FICD: variants seen among roughly 807,000 people sequenced by gnomAD.
The protein encoded by FICD is FIC domain protein adenylyltransferase.
FICD carries 13 observed loss-of-function variants against 28.0 expected under a neutral mutation model. That is an observed-to-expected ratio of 0.46 (90% confidence interval 0.30 to 0.74). FICD has a LOEUF of 0.74. FICD is among the 30% of genes least tolerant of loss of function. The pLI is 0.07. For synonymous variants in FICD, 268 were observed against 266.4 expected (o/e 1.01, Z -0.06); for missense variants, 576 against 624.5 (o/e 0.92, Z 0.83).
rs180719836 is a variant in FICD at position 108,516,509 on chromosome 12, G to A, written c.-58-406G>A. On this transcript the variant is annotated intron_variant, in intron 1 of 2. Transcript: ENST00000552695. The stretch of plus-strand genomic sequence containing the variant: ...AGAGCCGTGGGGTTCCTGAGTTCAA[G>A]TCCTAAGGCTGTCACTTGCTCCCGG... Among the ~76,000 whole-genome samples the A allele has an allele frequency of 2.8e-3, 421 of 152,338 alleles. 3 individuals carry two copies. The highest frequency in any genetic ancestry group is 4.3e-3 in the Non-Finnish European group (290 of 68,042).
chr12:108,518,326 C>T lies in FICD; in HGVS notation c.302-74C>T, dbSNP rs1321116382. On this transcript the variant is annotated intron_variant, in intron 2 of 2. Transcript: ENST00000552695. The surrounding 1 kb of genome is among the most constrained non-coding windows in gnomAD (Gnocchi z 4.4). ...TCATGGTTTCCTGCGGAGACCAGCA[C>T]AGGGGACAGCCCCCCGAATGTCCTC... The T allele has an allele frequency of 7.8e-7, 1 of 1,283,614 alleles. No individual in the cohort carries two copies. Among genetic ancestry groups the T allele is most frequent in the East Asian group, 2.4e-5 (1 of 41,988 alleles). The allele number at this position is 1,283,614 out of a possible 1,614,324, so 79.5% of individuals were successfully genotyped here.
In FICD at chr12:108,519,280, G is replaced by A. The variant is rs1369684958; in HGVS notation, c.1182G>A (p.Glu394=). ...AGYPPITIRK[E]QRSDYYHVLE... ...ACCCGCCCATCACCATCCGCAAGGA[G>A]CAGCGGTCCGACTACTACCACGTGT... Residue 394 remains glutamate (E), a synonymous_variant, in exon 3 of 3, where the codon GAG becomes GAA. Coordinates refer to ENST00000552695, the MANE Select transcript of FICD (RefSeq NM_007076.3). The surrounding 1 kb of genome is among the most constrained non-coding windows in gnomAD (Gnocchi z 4.5). The A allele has an allele frequency of 5.0e-6, 8 of 1,614,146 alleles. No homozygotes were observed. Among genetic ancestry groups the A allele is most frequent in the Non-Finnish European group, 6.8e-6 (8 of 1,180,054 alleles).
Position 108,516,881 on chromosome 12 carries a change from G to A in FICD, c.-58-34G>A, listed in dbSNP as rs1256501867. ...TGAAGTCACACTATGTCCTGAACGT[G>A]TCTGTTTCTCCTGCGACTCTTGGCT... On this transcript the variant is annotated intron_variant, in intron 1 of 2. Transcript: ENST00000552695. The A allele has an allele frequency of 5.4e-6, 6 of 1,105,098 alleles. No homozygotes were observed. In the African/African-American group the frequency reaches 6.3e-5, roughly 12 times the overall value. The allele number at this position is 1,105,098 out of a possible 1,614,324, so 68.5% of individuals were successfully genotyped here. A position where few individuals can be genotyped will look rare whatever the true frequency, so the allele number is the denominator to read the frequency against.
rs1872037040 is a variant in FICD at position 108,519,523 on chromosome 12, A to G, written c.*48A>G. ...AGGCTGTCCTGAGGTAGGAAAAAAA[A>G]AAAGAAACAGCATTTCTAGAAACCT... On this transcript the variant is annotated 3_prime_UTR_variant, in exon 3 of 3. Transcript: ENST00000552695. This position sits in a 1 kb window ranked among gnomAD's most constrained non-coding sequence, Gnocchi z 4.5. 1.6e-6 allele frequency: 2 copies of G among 1,235,464 alleles called. No homozygotes were observed. The highest frequency in any genetic ancestry group is 2.2e-6 in the Non-Finnish European group (2 of 894,262). 76.5% of individuals were successfully genotyped at this position (1,235,464 alleles called of 1,614,324 possible).
At position 108,517,143 on chromosome 12, in the gene FICD, C is replaced by T; in HGVS notation, c.171C>T (p.Gly57=). ...AGCAGTGCTTGGCTGTGCTCAAAGGCCTCTACCTGCTCAGGAGCAAACCGG... is the reference window on the plus strand; with the variant it reads ...AGCAGTGCTTGGCTGTGCTCAAAGGTCTCTACCTGCTCAGGAGCAAACCGG... ...VEEQCLAVLK[G]LYLLRSKPDR... The change falls in exon 2 of 3, where the codon GGC becomes GGT. Residue 57 remains glycine, a synonymous_variant. Coordinates refer to ENST00000552695, the MANE Select transcript of FICD (RefSeq NM_007076.3). 2.5e-6 allele frequency: 4 copies of T among 1,608,308 alleles called. No homozygotes were observed. The highest frequency in any genetic ancestry group is 3.4e-6 in the Non-Finnish European group (4 of 1,177,392).
In FICD at chr12:108,520,820, A is replaced by G. The variant is rs182454388; in HGVS notation, c.*1345A>G. The G allele has an allele frequency of 5.6e-4, 86 of 152,378 alleles. 2 individuals are homozygous for G. In the East Asian group the frequency reaches 0.016, roughly 28 times the overall value. The allele number at this position is 152,378 out of a possible 1,614,324, so 9.4% of individuals were successfully genotyped here. On this transcript the variant is annotated 3_prime_UTR_variant, in exon 3 of 3. Transcript: ENST00000552695. ...CTTTGTCAGTGTGTGAGTGATGGCG[A>G]ATACGCAGTGTTGTCTCTTTGATTT...
At position 108,518,573 on chromosome 12, in the gene FICD, G is replaced by C. The variant is rs369952135; in HGVS notation, c.475G>C (p.Ala159Pro). ...GGAAGAAGACAAGGACATCATCCAG[G>C]CGGACTACTTGTACACCAGAGCATT... ...FSEEDKDIIQ[A>P]DYLYTRALTI... The change falls in exon 3 of 3, where the codon GCG (alanine) becomes CCG (proline). Residue 159 changes from alanine (A) to proline (P), a missense_variant. Ala to Pro is a conservative substitution (Grantham distance 27). Coordinates refer to ENST00000552695, the MANE Select transcript of FICD (RefSeq NM_007076.3). This position sits in a 1 kb window ranked among gnomAD's most constrained non-coding sequence, Gnocchi z 4.4. 1 of 1,614,094 alleles carries C rather than the reference G, an allele frequency of 6.2e-7. No individual in the cohort carries two copies. The highest frequency in any genetic ancestry group is 1.3e-5 in the African/African-American group (1 of 74,934).
rs926984352 is a variant in FICD, at chr12:108,518,215, T to A, written c.302-185T>A. 1.4e-6 allele frequency: 1 copy of A among 705,292 alleles called. No homozygotes were observed. Among genetic ancestry groups the A allele is most frequent in the East Asian group, 2.7e-5 (1 of 37,304 alleles). The allele number at this position is 705,292 out of a possible 1,614,324, so 43.7% of individuals were successfully genotyped here. A position where few individuals can be genotyped will look rare whatever the true frequency, so the allele number is the denominator to read the frequency against. ...TAGTGACTGCATACCACCACACGGCTGGGGCAACAGAGTGGTACCGGGCAT... is the reference window on the plus strand; with the variant it reads ...TAGTGACTGCATACCACCACACGGCAGGGGCAACAGAGTGGTACCGGGCAT... On this transcript the variant is annotated intron_variant, in intron 2 of 2. Transcript: ENST00000552695. The surrounding 1 kb of genome is among the most constrained non-coding windows in gnomAD (Gnocchi z 4.4).
chr12:108,518,221 AAC>A lies in FICD; in HGVS notation c.302-177_302-176del, dbSNP rs1223524304. ...CTGCATACCACCACACGGCTGGGGC[AAC>A]AGAGTGGTACCGGGCATGTTGAGTA... On this transcript the variant is annotated intron_variant, in intron 2 of 2. Coordinates refer to ENST00000552695, the MANE Select transcript of FICD (RefSeq NM_007076.3). The surrounding 1 kb of genome is among the most constrained non-coding windows in gnomAD (Gnocchi z 4.4). 2.8e-6 allele frequency: 2 copies of A among 706,208 alleles called. No individual in the cohort carries two copies. Among genetic ancestry groups the A allele is most frequent in the Non-Finnish European group, 5.2e-6 (2 of 387,884 alleles). The allele number at this position is 706,208 out of a possible 1,614,324, so 43.7% of individuals were successfully genotyped here. A position where few individuals can be genotyped will look rare whatever the true frequency, so the allele number is the denominator to read the frequency against.
At chr12:108,517,583 G>A (rs1871948716) in intron 2 of FICD, 2 of 419,756 alleles carry the variant, frequency 4.8e-6, no homozygotes, top group Middle Eastern at 6.0e-4. Context: ...CCAGAGGTTA[G>A]TTGTCATAAC....
chr12:108,518,821 G>A lies in FICD; in HGVS notation c.723G>A (p.Ser241=), dbSNP rs142218882. Residue 241 remains serine (S), a synonymous_variant, in exon 3 of 3, where the codon TCG becomes TCA. Transcript: ENST00000552695. This position sits in a 1 kb window ranked among gnomAD's most constrained non-coding sequence, Gnocchi z 4.4. ...VAIEGNTLTL[S]EIRHILETRY... is the part of the protein sequence containing the mutation. ...TCGAGGGCAACACCCTCACCCTCTC[G>A]GAAATCAGGCACATCCTGGAGACCC... 165 of 1,614,140 alleles carry A rather than the reference G, an allele frequency of 1.0e-4. No homozygotes were observed. Among genetic ancestry groups the A allele is most frequent in the African/African-American group, 5.5e-4 (41 of 75,050 alleles).
chr12:108,518,424 C>T lies in FICD; in HGVS notation c.326C>T (p.Ala109Val). The part of the protein sequence containing the change: ...SPAGKLEARA[A>V]LNQALEMKRQ... Reference sequence around the variant, plus strand: ...GCGGGTAAGTTGGAAGCCAGAGCTGCCCTGAACCAGGCCCTGGAGATGAAG... The same window carrying T: ...GCGGGTAAGTTGGAAGCCAGAGCTGTCCTGAACCAGGCCCTGGAGATGAAG... Residue 109 changes from alanine to valine, a missense_variant, in exon 3 of 3, where the codon GCC (alanine) becomes GTC (valine). Physicochemically the swap from Ala to Val is moderately conservative, Grantham distance 64. Transcript: ENST00000552695. This position sits in a 1 kb window ranked among gnomAD's most constrained non-coding sequence, Gnocchi z 4.4. The T allele has an allele frequency of 6.2e-7, 1 of 1,614,088 alleles. No individual in the cohort carries two copies. The highest frequency in any genetic ancestry group is 1.1e-5 in the South Asian group (1 of 91,076).
intron 1 of FICD, 31 bp from the exon 2 acceptor site, chr12:108,516,884 T>C: frequency 8.8e-7 from 1 of 1,142,290 alleles, no homozygotes; most frequent in Non-Finnish European, 1.2e-6. Flanking sequence ...TGAACGTGTC[T>C]GTTTCTCCTG....
In FICD at chr12:108,518,567, A is replaced by G. The variant is rs1466291817; in HGVS notation, c.469A>G (p.Ile157Val). The G allele has an allele frequency of 1.2e-6, 2 of 1,614,232 alleles. No individual in the cohort carries two copies. The highest frequency in any genetic ancestry group is 2.7e-5 in the African/African-American group (2 of 75,062). ...CTTCTCGGAAGAAGACAAGGACATC[A>G]TCCAGGCGGACTACTTGTACACCAG... ...GIFSEEDKDI[I>V]QADYLYTRAL... is the part of the protein sequence containing the mutation. The change falls in exon 3 of 3, where the codon ATC (isoleucine) becomes GTC (valine). Residue 157 changes from isoleucine to valine, a missense_variant. By Grantham distance (29) the Ile-to-Val change is conservative. Coordinates refer to ENST00000552695, the MANE Select transcript of FICD (RefSeq NM_007076.3). The surrounding 1 kb of genome is among the most constrained non-coding windows in gnomAD (Gnocchi z 4.4).
chr12:108,518,950 C>T lies in FICD; in HGVS notation c.852C>T (p.Ser284=), dbSNP rs149328879. 121 of 1,614,064 alleles carry T rather than the reference C, an allele frequency of 7.5e-5. No individual in the cohort carries two copies. In the African/African-American group the frequency reaches 1.2e-3, roughly 16 times the overall value. The change falls in exon 3 of 3, where the codon TCC becomes TCT. Residue 284 remains serine, a synonymous_variant. Coordinates refer to ENST00000552695, the MANE Select transcript of FICD (RefSeq NM_007076.3). This position sits in a 1 kb window ranked among gnomAD's most constrained non-coding sequence, Gnocchi z 4.4. ...INTTLVSRIG[S]VTISDVLEIH... is the part of the protein sequence containing the mutation. ...CGACTCTGGTTTCGCGCATCGGCTC[C>T]GTCACCATCAGCGACGTGCTGGAGA...
chr12:108,517,104 G>C lies in FICD; in HGVS notation c.132G>C (p.Leu44=), dbSNP rs750284577. Residue 44 remains leucine (L), a synonymous_variant, in exon 2 of 3, where the codon CTG becomes CTC. Transcript: ENST00000552695. ...CCCTGCTGGCCCTGCTGCTGCCGCT[G>C]GGGGCTGTGGAGGAGCAGTGCTTGG... is the stretch of plus-strand genomic sequence containing the variant. ...LGSLLALLLP[L]GAVEEQCLAV... 1.2e-5 allele frequency: 20 copies of C among 1,609,624 alleles called. No individual in the cohort carries two copies. Among genetic ancestry groups the C allele is most frequent in the Middle Eastern group, 1.6e-4 (1 of 6,076 alleles).
intron 1 of FICD, 30 bp from the exon 2 acceptor site, chr12:108,516,883 CTG>C (rs2136651901): frequency 8.9e-7 from 1 of 1,128,132 alleles, no homozygotes; most frequent in East Asian, 2.6e-5. Flanking sequence ...CTGAACGTGT[CTG>C]TTTCTCCTGC....
At position 108,518,051 on chromosome 12, in the gene FICD, G is replaced by A; in HGVS notation, c.302-349G>A. Reference sequence around the variant, plus strand: ...TAGGAGACGGCCTACACTGGGAGCTGTGGCCCACAGGAAAGGCCCAGCAGA... The same window carrying A: ...TAGGAGACGGCCTACACTGGGAGCTATGGCCCACAGGAAAGGCCCAGCAGA... On this transcript the variant is annotated intron_variant, in intron 2 of 2. Transcript: ENST00000552695. This position sits in a 1 kb window ranked among gnomAD's most constrained non-coding sequence, Gnocchi z 4.4. 1.4e-6 allele frequency: 1 copy of A among 691,826 alleles called. No homozygotes were observed. Among genetic ancestry groups the A allele is most frequent in the Non-Finnish European group, 2.6e-6 (1 of 378,522 alleles). The allele number at this position is 691,826 out of a possible 1,614,324, so 42.9% of individuals were successfully genotyped here. A position where few individuals can be genotyped will look rare whatever the true frequency, so the allele number is the denominator to read the frequency against.
rs1205213702 is a variant in FICD at position 108,519,029 on chromosome 12, A to C, written c.931A>C (p.Thr311Pro). The C allele has an allele frequency of 6.2e-7, 1 of 1,614,192 alleles. No homozygotes were observed. The highest frequency in any genetic ancestry group is 1.3e-5 in the African/African-American group (1 of 75,058). ...VDPVEAGRFRTTQVLVGHHIP... is the reference protein window; with the variant it reads ...VDPVEAGRFRPTQVLVGHHIP... ...CCCCGTGGAAGCCGGCAGGTTTCGG[A>C]CAACACAGGTCCTGGTCGGACACCA... Residue 311 changes from threonine (T) to proline (P), a missense_variant, in exon 3 of 3, where the codon ACA (threonine) becomes CCA (proline). Coordinates refer to ENST00000552695, the MANE Select transcript of FICD (RefSeq NM_007076.3). The surrounding 1 kb of genome is among the most constrained non-coding windows in gnomAD (Gnocchi z 4.5).
Sources: allele counts gnomAD v4.1 joint callset (sites outside exome capture counted in the v4.1 genomes callset), GRCh38; gene constraint gnomAD v4.1.1; non-coding constraint Gnocchi (gnomAD v3.1); transcripts MANE v1.5; gene names NCBI Gene and HGNC (gene_info 2026-07-23, HGNC 2026-07-21).